NAV2: variants seen among roughly 807,000 people sequenced by gnomAD.
NAV2 encodes helicase, APC down-regulated 1.
In NAV2, 54 loss-of-function variants were observed where a neutral mutation model predicts 223.2. The ratio of observed to expected loss-of-function variants is 0.24; its 90% CI spans 0.19 to 0.30. The LOEUF is 0.30. NAV2 is among the 10% of genes least tolerant of loss of function. NAV2 has a pLI of 1.00. For synonymous variants in NAV2, 1,279 were observed against 1,239.3 expected (o/e 1.03, Z -0.67); for missense variants, 2,806 against 3,147.5 (o/e 0.89, Z 2.60).
At chr11:20,109,225 T>C (rs1425750671) in intron 36 of NAV2, among the ~76,000 whole-genome samples, 1 of 152,238 alleles carries the variant, frequency 6.6e-6, no homozygotes, top group African/African-American at 2.4e-5. Flanking sequence ...TCTTGTGATA[T>C]ATTTCACTAA....
At chr11:19,782,615 A>G (rs1299448158) in intron 1 of NAV2, among the ~76,000 whole-genome samples, 2 of 152,156 alleles carry the variant, frequency 1.3e-5, no homozygotes, top group Non-Finnish European at 2.9e-5. Context: ...AAGACTCTCC[A>G]GGACACATGG....
rs949590214 is a variant in NAV2 at position 19,492,281 on chromosome 11, TA to T, written c.75+141267del. Among the ~76,000 whole-genome samples the T allele has an allele frequency of 4.9e-3, 710 of 143,674 alleles. 5 individuals are homozygous for T. The highest frequency in any genetic ancestry group is 0.015 in the African/African-American group (610 of 39,446). The allele number at this position is 143,674 out of a possible 152,430, so 94.3% of individuals were successfully genotyped here. ...GGTTGCCACAACCTTTCAATTTGTT[TA>T]AAAAAAAAAAAACTCAATACCTGTG... On this transcript the variant is annotated intron_variant, in intron 1 of 37. Transcript: ENST00000360655.
intron 1 of NAV2, among the ~76,000 whole-genome samples, chr11:19,398,564 T>C (rs552664941): frequency 6.6e-6 from 1 of 152,220 alleles, no homozygotes; most frequent in Non-Finnish European, 1.5e-5. Context: ...ACACTCTGGC[T>C]TGTTGGTCCG....
intron 5 of NAV2, among the ~76,000 whole-genome samples, chr11:19,889,522 C>T (rs917331549): frequency 2.6e-5 from 4 of 152,174 alleles, no homozygotes; most frequent in Non-Finnish European, 4.4e-5. Context: ...TGGCTTTTGA[C>T]GGCTATATGC....
At chr11:19,888,159 A>G (rs527265691) in intron 5 of NAV2, among the ~76,000 whole-genome samples, 5 of 152,118 alleles carry the variant, frequency 3.3e-5, no homozygotes, top group African/African-American at 1.2e-4. Context: ...AAAACTCAAC[A>G]TGTATATGTT....
chr11:19,728,005 C>T (rs999150850), intron 1 of NAV2, among the ~76,000 whole-genome samples: 1 of 152,232 alleles, frequency 6.6e-6, no homozygotes, highest in Non-Finnish European at 1.5e-5. Context: ...ACTACTCCAG[C>T]CACTCTGGAG....
chr11:19,564,177 C>T (rs2045190153), intron 1 of NAV2, among the ~76,000 whole-genome samples: 1 of 152,006 alleles, frequency 6.6e-6, no homozygotes, highest in African/African-American at 2.4e-5. Flanking sequence ...TTGGGGAGTG[C>T]AGTGACAAGA....
chr11:19,736,736 A>G (rs2052338769), intron 1 of NAV2, among the ~76,000 whole-genome samples: 1 of 152,206 alleles, frequency 6.6e-6, no homozygotes, highest in Admixed American at 6.5e-5. Flanking sequence ...AACTCATGAC[A>G]TCTCTTCCCC....
intron 1 of NAV2, among the ~76,000 whole-genome samples, chr11:19,549,532 A>G (rs1304186729): frequency 6.6e-6 from 1 of 152,220 alleles, no homozygotes; most frequent in African/African-American, 2.4e-5. Flanking sequence ...CAGAGGAAGG[A>G]GGGCAGGTAC....
intron 1 of NAV2, among the ~76,000 whole-genome samples, chr11:19,399,352 C>A (rs77206409): frequency 0.12 from 18,318 of 152,250 alleles, 1,225 homozygotes; most frequent in Middle Eastern, 0.16. Flanking sequence ...GTATGCTAAT[C>A]TCCCTGGGCA....
chr11:19,911,371 A>G (rs994171453), intron 6 of NAV2, among the ~76,000 whole-genome samples: 2 of 152,206 alleles, frequency 1.3e-5, no homozygotes, highest in Non-Finnish European at 2.9e-5. Flanking sequence ...TAGACAGAAC[A>G]GCGTGTCCAA....
chr11:19,405,435 G>C (rs145892360), intron 1 of NAV2, among the ~76,000 whole-genome samples: 2 of 152,270 alleles, frequency 1.3e-5, no homozygotes, highest in African/African-American at 4.8e-5. Context: ...TGTAGCAGTT[G>C]CTTCTGTTCT....
chr11:19,952,482 T>C (rs1411553421), intron 10 of NAV2, among the ~76,000 whole-genome samples: 2 of 152,204 alleles, frequency 1.3e-5, no homozygotes, highest in Non-Finnish European at 2.9e-5. Context: ...TTGGAAACAA[T>C]GAAATGATTA....
At chr11:20,029,597 C>G (rs1039622920) in intron 11 of NAV2, among the ~76,000 whole-genome samples, 2 of 152,186 alleles carry the variant, frequency 1.3e-5, no homozygotes, top group African/African-American at 2.4e-5. Context: ...ATGGTCAAGG[C>G]AGGGAAAACT....
chr11:20,061,756 T>C (rs996946670), intron 19 of NAV2, among the ~76,000 whole-genome samples: 3 of 152,192 alleles, frequency 2.0e-5, no homozygotes, highest in Non-Finnish European at 4.4e-5. Flanking sequence ...TCTAAACAAA[T>C]ATTCTGCTAT....
At chr11:19,760,977 T>G in intron 1 of NAV2, among the ~76,000 whole-genome samples, 1 of 152,190 alleles carries the variant, frequency 6.6e-6, no homozygotes, top group East Asian at 1.9e-4. Context: ...TTCTTCTGTT[T>G]CGGGGAATAA....
chr11:20,071,465 G>T (rs1478664435), intron 22 of NAV2, among the ~76,000 whole-genome samples: 1 of 152,058 alleles, frequency 6.6e-6, no homozygotes, highest in East Asian at 1.9e-4. Flanking sequence ...TAATCCTTTG[G>T]GGGTATATAC....
intron 1 of NAV2, among the ~76,000 whole-genome samples, chr11:19,568,405 C>T (rs554606738): frequency 2.0e-5 from 3 of 152,304 alleles, no homozygotes; most frequent in Middle Eastern, 3.4e-3. Context: ...GATTCACACT[C>T]GAGGAAGGAC....
intron 1 of NAV2, among the ~76,000 whole-genome samples, chr11:19,435,763 A>C (rs1851192993): frequency 6.6e-6 from 1 of 152,200 alleles, no homozygotes; most frequent in Non-Finnish European, 1.5e-5. Flanking sequence ...GATAATAGCC[A>C]GCCTAACAGG....
Sources: gnomAD v4.1 joint callset for allele counts (sites outside exome capture counted in the v4.1 genomes callset) on GRCh38, gnomAD v4.1.1 for gene constraint, MANE v1.5 for transcripts, NCBI Gene and HGNC (gene_info 2026-07-23, HGNC 2026-07-21) for gene names.